Variants in GALNT10 observed in about 807,000 individuals in gnomAD.
The protein encoded by GALNT10 is polypeptide N-acetylgalactosaminyltransferase 10.
A neutral mutation model predicts 75.0 loss-of-function variants in GALNT10; 41 were observed. The observed-to-expected ratio is 0.55, with a 90% confidence interval of 0.43 to 0.71. The LOEUF is 0.71. Ranked by LOEUF, GALNT10 falls within the 30% of genes least tolerant of loss-of-function variation. The pLI is 0.00. For synonymous variants in GALNT10, 302 were observed against 313.0 expected (o/e 0.96, Z 0.37); for missense variants, 727 against 818.5 (o/e 0.89, Z 1.36).
At chr5:154,307,767 A>T (rs965638979) in intron 3 of GALNT10, among the ~76,000 whole-genome samples, 9 of 151,942 alleles carry the variant, frequency 5.9e-5, no homozygotes, top group Non-Finnish European at 1.3e-4. Flanking sequence ...TTACAGACCA[A>T]TATCCCTCAT....
chr5:154,329,539 C>G, intron 3 of GALNT10, 33 bp from the exon 4 acceptor site: 1 of 1,588,324 alleles, frequency 6.3e-7, no homozygotes, highest in Non-Finnish European at 8.6e-7. Flanking sequence ...AGAGCTGACC[C>G]TGTCCTCTGC....
intron 4 of GALNT10, among the ~76,000 whole-genome samples, chr5:154,359,125 G>A (rs1193213667): frequency 6.6e-6 from 1 of 152,172 alleles, no homozygotes; most frequent in Non-Finnish European, 1.5e-5. Context: ...ACATTTTGGA[G>A]CGGAGTGGGG....
chr5:154,290,413 C>G (rs941953374), intron 1 of GALNT10, among the ~76,000 whole-genome samples: 1 of 151,832 alleles, frequency 6.6e-6, no homozygotes, highest in Non-Finnish European at 1.5e-5. Flanking sequence ...CTGACCAACT[C>G]TATAATTTTA....
At chr5:154,338,439 T>G (rs1273864378) in intron 4 of GALNT10, 3 of 358,872 alleles carry the variant, frequency 8.4e-6, no homozygotes, top group Middle Eastern at 1.9e-3. Context: ...TTTAGCAGAC[T>G]CTGACTTAGA....
intron 1 of GALNT10, among the ~76,000 whole-genome samples, chr5:154,197,275 C>G (rs1392321620): frequency 6.6e-6 from 1 of 152,174 alleles, no homozygotes; most frequent in Non-Finnish European, 1.5e-5. Context: ...TCTCCCCTGC[C>G]CCCATACACA....
chr5:154,366,969 A>G (rs1364516121), intron 4 of GALNT10, among the ~76,000 whole-genome samples: 1 of 152,164 alleles, frequency 6.6e-6, no homozygotes, highest in African/African-American at 2.4e-5. Context: ...TTTTAACATT[A>G]TAGGTTCCAG....
At chr5:154,274,799 T>C (rs1753924790) in intron 1 of GALNT10, among the ~76,000 whole-genome samples, 1 of 152,246 alleles carries the variant, frequency 6.6e-6, no homozygotes, top group Non-Finnish European at 1.5e-5. Context: ...ATTTTCCAGC[T>C]GCTCTTTGAA....
At chr5:154,369,117 G>A (rs922720505) in intron 4 of GALNT10, among the ~76,000 whole-genome samples, 1 of 152,224 alleles carries the variant, frequency 6.6e-6, no homozygotes, top group Non-Finnish European at 1.5e-5. Context: ...GCCAGGTACA[G>A]TGGCTCATGC....
At chr5:154,308,718 G>A (rs1171101234) in intron 3 of GALNT10, among the ~76,000 whole-genome samples, 1 of 152,206 alleles carries the variant, frequency 6.6e-6, no homozygotes, top group Non-Finnish European at 1.5e-5. Context: ...CCAGTCTGCA[G>A]CTCATCTGAA....
chr5:154,307,678 C>T (rs1169732868), intron 3 of GALNT10, among the ~76,000 whole-genome samples: 1 of 149,926 alleles, frequency 6.7e-6, no homozygotes, highest in Non-Finnish European at 1.5e-5. Context: ...TTAAAGAGGA[C>T]GGGGTACTTT....
chr5:154,210,948 A>T (rs1775187180), intron 1 of GALNT10, among the ~76,000 whole-genome samples: 1 of 152,232 alleles, frequency 6.6e-6, no homozygotes, highest in Admixed American at 6.5e-5. Flanking sequence ...AAAATTGTAG[A>T]TACAGGTAGA....
chr5:154,284,776 G>A (rs532109840), intron 1 of GALNT10, among the ~76,000 whole-genome samples: 5 of 152,322 alleles, frequency 3.3e-5, no homozygotes, highest in African/African-American at 4.8e-5. Flanking sequence ...CTGAGTTTGG[G>A]AAGGAATGGG....
chr5:154,263,562 GA>G (rs1207591607), intron 1 of GALNT10, among the ~76,000 whole-genome samples: 30 of 152,142 alleles, frequency 2.0e-4, no homozygotes, highest in Admixed American at 3.3e-4. Context: ...CCACAAACTA[GA>G]TAGCTTATAA....
rs578085750 is a variant in GALNT10, at chr5:154,226,532, A to G, written c.159+35507A>G. On this transcript the variant is annotated intron_variant, in intron 1 of 11. Transcript: ENST00000297107. ...TCTACTGCATTCTGGTTTCCATTAT[A>G]GCTGCTGAGAAGTCAGGGGTCATCT... Among the ~76,000 whole-genome samples the G allele has an allele frequency of 5.1e-4, 78 of 152,340 alleles. 1 individual carries two copies. The South Asian group carries it at 0.012, about 23-fold the overall frequency.
chr5:154,402,332 C>T lies in GALNT10; in HGVS notation c.1057-1772C>T, dbSNP rs1044114279. 5.3e-5 allele frequency among the ~76,000 whole-genome samples: 8 copies of T among 152,308 alleles called. No homozygotes were observed. Among genetic ancestry groups the T allele is most frequent in the African/African-American group, 4.8e-5 (2 of 41,562 alleles). ...CCTTTGCACTTGCTCTTCTCCCACC[C>T]GTTCCCTTGCCTTTACTTTCACCTT... On this transcript the variant is annotated intron_variant, in intron 7 of 11. Transcript: ENST00000297107. The surrounding 1 kb of genome is among the most constrained non-coding windows in gnomAD (Gnocchi z 4.2).
At chr5:154,273,709 A>G (rs1277919001) in intron 1 of GALNT10, among the ~76,000 whole-genome samples, 1 of 152,244 alleles carries the variant, frequency 6.6e-6, no homozygotes, top group Non-Finnish European at 1.5e-5. Context: ...TTTTGGCTGC[A>G]TCTTTCACCA....
chr5:154,339,270 A>G (rs1173035130), intron 4 of GALNT10, among the ~76,000 whole-genome samples: 3 of 152,222 alleles, frequency 2.0e-5, no homozygotes, highest in African/African-American at 7.2e-5. Flanking sequence ...ATCAGTCTCC[A>G]GGGTGCCTTA....
chr5:154,253,713 T>C (rs1581940523), intron 1 of GALNT10, among the ~76,000 whole-genome samples: 1 of 147,522 alleles, frequency 6.8e-6, no homozygotes, highest in East Asian at 2.0e-4. Flanking sequence ...CCTCTTTTTT[T>C]TTTTTTTTTT....
intron 4 of GALNT10, among the ~76,000 whole-genome samples, chr5:154,351,204 G>A (rs956950626): frequency 3.7e-4 from 56 of 152,290 alleles, no homozygotes; most frequent in African/African-American, 1.3e-3. Context: ...TAATGTTATT[G>A]TTATCCCCAT....
Sources: allele counts gnomAD v4.1 joint callset (sites outside exome capture counted in the v4.1 genomes callset), GRCh38; gene constraint gnomAD v4.1.1; non-coding constraint Gnocchi (gnomAD v3.1); transcripts MANE v1.5; gene names NCBI Gene and HGNC (gene_info 2026-07-23, HGNC 2026-07-21).